The following SREBF2 variants were observed in gnomAD, a reference collection of about 807,000 sequenced individuals.
The protein encoded by SREBF2 is sterol regulatory element-binding protein 2.
SREBF2 carries 55 observed loss-of-function variants against 113.1 expected under a neutral mutation model. The ratio of observed to expected loss-of-function variants is 0.49; its 90% CI spans 0.39 to 0.61. The LOEUF is 0.61. Ranked by LOEUF, SREBF2 falls within the 20% of genes least tolerant of loss-of-function variation. The probability of loss-of-function intolerance (pLI) is 0.00; values close to 1 mark genes in which losing one functional copy is unlikely to be tolerated. For synonymous variants in SREBF2, 593 were observed against 605.7 expected (o/e 0.98, Z 0.31); for missense variants, 1,349 against 1,487.4 (o/e 0.91, Z 1.53).
rs1305888244 is a variant in SREBF2, at chr22:41,833,439, C to G, written c.88+81C>G. The G allele has an allele frequency of 3.2e-6, 4 of 1,251,984 alleles. No homozygotes were observed. Among genetic ancestry groups the G allele is most frequent in the African/African-American group, 3.1e-5 (2 of 64,278 alleles). 77.6% of individuals were successfully genotyped at this position (1,251,984 alleles called of 1,614,324 possible). A position where few individuals can be genotyped will look rare whatever the true frequency, so the allele number is the denominator to read the frequency against. On this transcript the variant is annotated intron_variant, in intron 1 of 18. Transcript: ENST00000361204. This position sits in a 1 kb window ranked among gnomAD's most constrained non-coding sequence, Gnocchi z 4.1. ...CGGCGCGCCCGGGTGCGCGTGCGCC[C>G]ACCCCCCGACAGCCCCGGTTCGCGC... is the stretch of plus-strand genomic sequence containing the variant.
At chr22:41,859,650 G>C (rs1326078880) in intron 1 of SREBF2, among the ~76,000 whole-genome samples, 2 of 151,198 alleles carry the variant, frequency 1.3e-5, no homozygotes, top group East Asian at 3.9e-4. Context: ...CTAATACTAA[G>C]TGCCAGGCAT....
rs755711955 is a variant in SREBF2, at chr22:41,833,592, G to A, written c.88+234G>A. On this transcript the variant is annotated intron_variant, in intron 1 of 18. Coordinates refer to ENST00000361204, the MANE Select transcript of SREBF2 (RefSeq NM_004599.4). The surrounding 1 kb of genome is among the most constrained non-coding windows in gnomAD (Gnocchi z 4.1). ...CTGGGGCGCCGCGGGGCCGAAAGCGGCGCGAGGGTCGCGGGTTCCAGAGCG... is the reference window on the plus strand; with the variant it reads ...CTGGGGCGCCGCGGGGCCGAAAGCGACGCGAGGGTCGCGGGTTCCAGAGCG... 4.8e-5 allele frequency: 20 copies of A among 419,412 alleles called. No homozygotes were observed. The highest frequency in any genetic ancestry group is 7.9e-5 in the Non-Finnish European group (19 of 240,088). 26.0% of individuals were successfully genotyped at this position (419,412 alleles called of 1,614,324 possible).
At chr22:41,849,782 C>T (rs541786302) in intron 1 of SREBF2, among the ~76,000 whole-genome samples, 3 of 152,144 alleles carry the variant, frequency 2.0e-5, no homozygotes, top group Non-Finnish European at 4.4e-5. Flanking sequence ...CCCCTTGATG[C>T]GTCCATTACA....
At chr22:41,899,107 G>T (rs1159275399) in intron 15 of SREBF2, 3 of 747,760 alleles carry the variant, frequency 4.0e-6, no homozygotes, top group Non-Finnish European at 5.6e-6. Context: ...AGCATCTTCA[G>T]AAGCTTTGTG....
At chr22:41,882,858 C>T (rs759300979) in intron 10 of SREBF2, among the ~76,000 whole-genome samples, 1 of 152,134 alleles carries the variant, frequency 6.6e-6, no homozygotes, top group Middle Eastern at 3.2e-3. Flanking sequence ...AATCTCAGAA[C>T]TTTGGGAGGT....
chr22:41,842,661 C>T (rs1160495889), intron 1 of SREBF2, among the ~76,000 whole-genome samples: 1 of 152,164 alleles, frequency 6.6e-6, no homozygotes, highest in East Asian at 1.9e-4. Flanking sequence ...GTGGTGCTGT[C>T]TCCGACATAG....
At chr22:41,843,800 G>T (rs1274628375) in intron 1 of SREBF2, among the ~76,000 whole-genome samples, 4 of 151,594 alleles carry the variant, frequency 2.6e-5, no homozygotes, top group Non-Finnish European at 5.9e-5. Flanking sequence ...TTTGAGACTA[G>T]CCTGGGCAAC....
intron 1 of SREBF2, among the ~76,000 whole-genome samples, chr22:41,845,860 C>T (rs1349101841): frequency 6.6e-6 from 1 of 152,174 alleles, no homozygotes; most frequent in Non-Finnish European, 1.5e-5. Context: ...TCTATGAACT[C>T]CCAGGGTATA....
intron 1 of SREBF2, among the ~76,000 whole-genome samples, chr22:41,864,223 CAT>C (rs756489276): frequency 0.031 from 1,439 of 46,252 alleles, 25 homozygotes; most frequent in Middle Eastern, 0.039. Flanking sequence ...CTTCTGCAAG[CAT>C]ATATATATAT....
At chr22:41,858,673 G>T (rs2076998315) in intron 1 of SREBF2, among the ~76,000 whole-genome samples, 1 of 152,130 alleles carries the variant, frequency 6.6e-6, no homozygotes, top group African/African-American at 2.4e-5. Flanking sequence ...CTTAAGCCCA[G>T]GAGGTAGAGG....
chr22:41,904,718 G>C (rs9611690), intron 17 of SREBF2, 145 bp from the exon 18 acceptor site: 18 of 735,088 alleles, frequency 2.4e-5, no homozygotes, highest in Non-Finnish European at 4.5e-5. Context: ...GGACAACAGA[G>C]GTTGCTTTTC....
chr22:41,884,795 G>A, intron 10 of SREBF2, 47 bp from the exon 11 acceptor site: 2 of 1,610,338 alleles, frequency 1.2e-6, no homozygotes, highest in East Asian at 4.5e-5. Context: ...GAAAAAGTTT[G>A]GTTTTGGGGC....
intron 5 of SREBF2, 58 bp from the exon 6 acceptor site, chr22:41,875,279 C>CT (rs1423370537): frequency 1.4e-6 from 2 of 1,473,070 alleles, no homozygotes; most frequent in Admixed American, 3.5e-5. Flanking sequence ...GGGCTCTGCT[C>CT]TTTTCACACT....
rs763646727 is a variant in SREBF2 at position 41,904,892 on chromosome 22, G to C, written c.3123G>C (p.Leu1041=). 3 of 1,603,702 alleles carry C rather than the reference G, an allele frequency of 1.9e-6. No homozygotes were observed. In the Admixed American group the frequency reaches 5.1e-5, roughly 27 times the overall value. The change falls in exon 18 of 19, where the codon CTG becomes CTC. Residue 1041 remains leucine (L), a synonymous_variant. Transcript: ENST00000361204. ...TCCTGCATGAAGCCACCGTGCGCCTGATGGCAGGAGCCAGCCCCACCCGCA... is the reference window on the plus strand; with the variant it reads ...TCCTGCATGAAGCCACCGTGCGCCTCATGGCAGGAGCCAGCCCCACCCGCA... ...KVFLHEATVR[L]MAGASPTRTH...
chr22:41,897,584 A>G (rs991691559), intron 14 of SREBF2, among the ~76,000 whole-genome samples: 1 of 152,154 alleles, frequency 6.6e-6, no homozygotes, highest in Admixed American at 6.5e-5. Flanking sequence ...TCAGCCCCTC[A>G]TCACATCAGT....
chr22:41,878,047 C>T lies in SREBF2; in HGVS notation c.1685C>T (p.Pro562Leu), dbSNP rs1423063219. The T allele has an allele frequency of 6.2e-7, 1 of 1,614,146 alleles. No homozygotes were observed. Among genetic ancestry groups the T allele is most frequent in the Non-Finnish European group, 8.5e-7 (1 of 1,180,004 alleles). The change falls in exon 9 of 19, where the codon CCA becomes CTA. Residue 562 changes from proline to leucine, a missense_variant. Physicochemically the swap from Pro to Leu is moderately conservative, Grantham distance 98. This residue lies in a region of SREBF2 where 699 missense variants were observed against 843.3 expected (regional missense o/e 0.83). Coordinates refer to ENST00000361204, the MANE Select transcript of SREBF2 (RefSeq NM_004599.4). Reference sequence around the variant, plus strand: ...GTGAAGCTGCTGGTTCATGGGGAGCCAGTGATCCGGCCACACTCGCGCTCC... The same window carrying T: ...GTGAAGCTGCTGGTTCATGGGGAGCTAGTGATCCGGCCACACTCGCGCTCC... ...VFVKLLVHGEPVIRPHSRSSV... is the reference protein window; with the variant it reads ...VFVKLLVHGELVIRPHSRSSV...
intron 1 of SREBF2, among the ~76,000 whole-genome samples, chr22:41,850,170 C>A (rs1296621475): frequency 6.6e-6 from 1 of 151,084 alleles, no homozygotes; most frequent in African/African-American, 2.4e-5. Context: ...TGAGATGGGG[C>A]TGGGCGCCGT....
At chr22:41,892,142 G>T (rs1422408022) in intron 11 of SREBF2, among the ~76,000 whole-genome samples, 1 of 152,164 alleles carries the variant, frequency 6.6e-6, no homozygotes, top group African/African-American at 2.4e-5. Flanking sequence ...TTTGTGGGGG[G>T]AGTCTCTCAA....
chr22:41,906,016 C>T lies in SREBF2; in HGVS notation c.*356C>T. ...TCCTTTTTGCTTCCTCAGTTTTTAT[C>T]AGGCTTTCTCTGGGGGACAGCAGTC... On this transcript the variant is annotated 3_prime_UTR_variant, in exon 19 of 19. Transcript: ENST00000361204. The T allele has an allele frequency of 4.0e-6, 2 of 498,282 alleles. No homozygotes were observed. The highest frequency in any genetic ancestry group is 3.1e-5 in the South Asian group (2 of 64,920). 30.9% of individuals were successfully genotyped at this position (498,282 alleles called of 1,614,324 possible). A position where few individuals can be genotyped will look rare whatever the true frequency, so the allele number is the denominator to read the frequency against.
Sources: allele counts gnomAD v4.1 joint callset (sites outside exome capture counted in the v4.1 genomes callset), GRCh38; gene constraint gnomAD v4.1.1; regional missense constraint gnomAD v4.1.1; non-coding constraint Gnocchi (gnomAD v3.1); transcripts MANE v1.5; gene names NCBI Gene and HGNC (gene_info 2026-07-23, HGNC 2026-07-21).